CIMIP2A: variants seen among roughly 807,000 people sequenced by gnomAD.
CIMIP2A encodes the protein family with sequence similarity 166 member A.
chr9:137,253,537 G>GGCT, the CIMIP2A span: 1 of 1,385,016 alleles, frequency 7.2e-7, no homozygotes, highest in African/African-American at 1.5e-5. Flanking sequence ...CTAGAGATAT[G>GGCT]GCTGCCGCTG....
the CIMIP2A span, chr9:137,250,915 G>C: frequency 3.8e-6 from 1 of 265,828 alleles, no homozygotes; most frequent in African/African-American, 2.3e-5. Flanking sequence ...GCATCTCCTA[G>C]GGCTTGGTGG....
At chr9:137,251,305 A>G in the CIMIP2A span, 1 of 1,612,742 alleles carries the variant, frequency 6.2e-7, no homozygotes, top group Non-Finnish European at 8.5e-7. Context: ...TTCTGACCAG[A>G]AGGCAGTGAA....
the CIMIP2A span, chr9:137,243,906 G>A: frequency 8.4e-7 from 1 of 1,183,516 alleles, no homozygotes; most frequent in South Asian, 1.3e-5. Flanking sequence ...CTGCTTGGTG[G>A]GGAACTTGCT....
the CIMIP2A span, among the ~76,000 whole-genome samples, chr9:137,247,159 C>G: frequency 6.6e-6 from 1 of 152,170 alleles, no homozygotes; most frequent in Non-Finnish European, 1.5e-5. Context: ...GTGGCAGATG[C>G]CTGTAATCCC....
At chr9:137,252,092 C>T in the CIMIP2A span, 2 of 1,612,638 alleles carry the variant, frequency 1.2e-6, no homozygotes, top group South Asian at 1.1e-5. Flanking sequence ...GAGAGTCCTC[C>T]CCACACCCCC....
chr9:137,253,799 T>C, the CIMIP2A span, among the ~76,000 whole-genome samples: 1 of 152,122 alleles, frequency 6.6e-6, no homozygotes, highest in Non-Finnish European at 1.5e-5. Flanking sequence ...AGCCGCCACC[T>C]CCAGGTGGGG....
chr9:137,246,474 T>C, the CIMIP2A span, among the ~76,000 whole-genome samples: 2 of 152,204 alleles, frequency 1.3e-5, no homozygotes, highest in Non-Finnish European at 2.9e-5. Flanking sequence ...TCTTAAAAAC[T>C]GCCAAAGGGC....
the CIMIP2A span, chr9:137,253,261 A>G: frequency 1.3e-6 from 2 of 1,599,122 alleles, no homozygotes; most frequent in Admixed American, 1.7e-5. Context: ...GCTGGGCACA[A>G]CCTGCTTGGC....
the CIMIP2A span, among the ~76,000 whole-genome samples, chr9:137,253,839 A>G: frequency 6.6e-6 from 1 of 152,166 alleles, no homozygotes; most frequent in African/African-American, 2.4e-5. Context: ...GGAAGGGCCC[A>G]GGGATCTGCT....
chr9:137,244,531 C>T, the CIMIP2A span: 2 of 1,528,048 alleles, frequency 1.3e-6, no homozygotes, highest in Non-Finnish European at 1.8e-6. Context: ...GAGCCCCCTC[C>T]TCAGGCTTCT....
At chr9:137,244,189 A>G in the CIMIP2A span, 1 of 1,613,894 alleles carries the variant, frequency 6.2e-7, no homozygotes, top group East Asian at 2.2e-5. Flanking sequence ...AACCCCATGT[A>G]GAAGGGGATC....
At chr9:137,249,359 C>A in the CIMIP2A span, among the ~76,000 whole-genome samples, 2 of 152,208 alleles carry the variant, frequency 1.3e-5, no homozygotes, top group Non-Finnish European at 2.9e-5. Flanking sequence ...CAAGACACTG[C>A]AAACTGGGAC....
chr9:137,244,162 T>G, the CIMIP2A span: 1 of 1,613,556 alleles, frequency 6.2e-7, no homozygotes, highest in Non-Finnish European at 8.5e-7. Context: ...CCCTGCCCAC[T>G]CTACTCACCG....
At chr9:137,247,004 G>A in the CIMIP2A span, among the ~76,000 whole-genome samples, 1 of 151,976 alleles carries the variant, frequency 6.6e-6, no homozygotes, top group Non-Finnish European at 1.5e-5. Context: ...GTGGAGTCCT[G>A]GCCGGGCGTG....
chr9:137,244,194 G>A, the CIMIP2A span: 2 of 1,613,912 alleles, frequency 1.2e-6, no homozygotes, highest in Non-Finnish European at 1.7e-6. Flanking sequence ...CATGTAGAAG[G>A]GGATCAGGCC....
chr9:137,244,431 C>G, the CIMIP2A span: 3 of 1,525,820 alleles, frequency 2.0e-6, no homozygotes, highest in Non-Finnish European at 2.6e-6. Flanking sequence ...CCCCCTACCC[C>G]CGACTCCAAA....
At chr9:137,243,842 G>A in the CIMIP2A span, 2 of 1,577,690 alleles carry the variant, frequency 1.3e-6, no homozygotes, top group Non-Finnish European at 1.7e-6. Flanking sequence ...GGACCAGCAT[G>A]GGCTGGACAC....
the CIMIP2A span, among the ~76,000 whole-genome samples, chr9:137,254,524 G>C: frequency 6.6e-6 from 1 of 152,250 alleles, no homozygotes; most frequent in South Asian, 2.1e-4. Flanking sequence ...CTTCCTGGAG[G>C]AGGTGGTGGA....
At chr9:137,254,401 AG>A in the CIMIP2A span, among the ~76,000 whole-genome samples, 101,717 of 152,030 alleles carry the variant, frequency 0.67, 34,846 homozygotes, top group Admixed American at 0.77. Flanking sequence ...TTGTGGGAAC[AG>A]GAGCTCTGCT....
Sources: allele counts gnomAD v4.1 joint callset (sites outside exome capture counted in the v4.1 genomes callset), GRCh38; gene constraint gnomAD v4.1.1; transcripts MANE v1.5; gene names NCBI Gene and HGNC (gene_info 2026-07-23, HGNC 2026-07-21).